The following ROCK2 variants were observed in gnomAD, a reference collection of about 807,000 sequenced individuals.
The protein encoded by ROCK2 is Rho associated coiled-coil containing protein kinase 2, also known as rho-associated protein kinase 2.
Under a neutral mutation model 195.1 loss-of-function variants are expected in ROCK2, and 61 were observed. That is an observed-to-expected ratio of 0.31 (90% confidence interval 0.25 to 0.39). The LOEUF is 0.39. ROCK2 is among the 10% of genes least tolerant of loss of function. The pLI is 1.00. For synonymous variants in ROCK2, 504 were observed against 545.5 expected (o/e 0.92, Z 1.06); for missense variants, 1,109 against 1,637.4 (o/e 0.68, Z 5.57).
intron 23 of ROCK2, 32 bp from the exon 24 acceptor site, chr2:11,198,806 T>C: frequency 8.2e-7 from 1 of 1,223,936 alleles, no homozygotes; most frequent in Non-Finnish European, 1.2e-6. Context: ...AATAATCACA[T>C]CCCAATTTAC....
chr2:11,320,750 AAAAC>A (rs1668375288), intron 1 of ROCK2, among the ~76,000 whole-genome samples: 1 of 152,220 alleles, frequency 6.6e-6, no homozygotes, highest in African/African-American at 2.4e-5. Flanking sequence ...TGAGAGGAGA[AAAAC>A]AAAGTGAGCC....
At chr2:11,325,682 A>C (rs1026834642) in intron 1 of ROCK2, among the ~76,000 whole-genome samples, 6 of 152,336 alleles carry the variant, frequency 3.9e-5, no homozygotes, top group African/African-American at 1.2e-4. Flanking sequence ...AATGAATGGG[A>C]AATCAATCAT....
At chr2:11,317,585 TATATATATATATATATA>T (rs1668241429) in intron 1 of ROCK2, among the ~76,000 whole-genome samples, 2 of 11,620 alleles carry the variant, frequency 1.7e-4, no homozygotes, top group African/African-American at 3.0e-4. Context: ...TTTATATATA[TATATATATATATATATA>T]TATATATATA....
intron 1 of ROCK2, among the ~76,000 whole-genome samples, chr2:11,342,909 G>C (rs1216793731): frequency 1.3e-5 from 2 of 152,156 alleles, no homozygotes; most frequent in African/African-American, 2.4e-5. Flanking sequence ...AACCTCAAAG[G>C]ATAACCAACC....
At chr2:11,303,827 T>G (rs75237337) in intron 1 of ROCK2, among the ~76,000 whole-genome samples, 128 of 152,304 alleles carry the variant, frequency 8.4e-4, no homozygotes, top group African/African-American at 2.9e-3. Flanking sequence ...ACCTACATGT[T>G]GCTAATCCAA....
chr2:11,219,695 T>C (rs1664561647), intron 9 of ROCK2, among the ~76,000 whole-genome samples: 1 of 151,916 alleles, frequency 6.6e-6, no homozygotes, highest in Admixed American at 6.6e-5. Flanking sequence ...AGTATAGCGG[T>C]ACAATCATAG....
intron 6 of ROCK2, 119 bp from the exon 7 acceptor site, chr2:11,224,579 T>C: frequency 1.2e-6 from 1 of 848,870 alleles, no homozygotes; most frequent in Admixed American, 2.4e-5. Flanking sequence ...ACAAATATTC[T>C]ACGGGCACAG....
At chr2:11,248,919 C>T (rs1035668841) in intron 4 of ROCK2, among the ~76,000 whole-genome samples, 2 of 151,318 alleles carry the variant, frequency 1.3e-5, no homozygotes, top group African/African-American at 2.4e-5. Flanking sequence ...TTGTTTTAGA[C>T]GGAGTCTTGC....
At chr2:11,277,067 T>A (rs917598342) in intron 3 of ROCK2, among the ~76,000 whole-genome samples, 1 of 152,188 alleles carries the variant, frequency 6.6e-6, no homozygotes, top group African/African-American at 2.4e-5. Flanking sequence ...CTTTTTCAGT[T>A]TCCTCTAATA....
At chr2:11,305,682 G>C (rs1003819032) in intron 1 of ROCK2, among the ~76,000 whole-genome samples, 9 of 152,162 alleles carry the variant, frequency 5.9e-5, no homozygotes, top group African/African-American at 1.7e-4. Flanking sequence ...GTAGCATCTT[G>C]TGCCAAAAAG....
chr2:11,183,283 C>G lies in ROCK2; in HGVS notation c.*154G>C. 1.9e-6 allele frequency: 1 copy of G among 534,660 alleles called. No homozygotes were observed. Among genetic ancestry groups the G allele is most frequent in the East Asian group, 3.4e-5 (1 of 29,534 alleles). The allele number at this position is 534,660 out of a possible 1,614,324, so 33.1% of individuals were successfully genotyped here. On this transcript the variant is annotated 3_prime_UTR_variant, in exon 33 of 33. Transcript: ENST00000315872. Reference sequence around the variant, plus strand: ...GAGCCCAGATTTGTAATTTATATTACAGGGAAAAGGGGAACACATATATGT... The same window carrying G: ...GAGCCCAGATTTGTAATTTATATTAGAGGGAAAAGGGGAACACATATATGT...
At chr2:11,320,726 C>T (rs1312336618) in intron 1 of ROCK2, among the ~76,000 whole-genome samples, 2 of 152,108 alleles carry the variant, frequency 1.3e-5, no homozygotes, top group African/African-American at 2.4e-5. Context: ...CAGTGAAAGA[C>T]GGTGGTCCCT....
At chr2:11,307,496 T>C (rs926941778) in intron 1 of ROCK2, among the ~76,000 whole-genome samples, 4 of 152,014 alleles carry the variant, frequency 2.6e-5, no homozygotes, top group East Asian at 1.9e-4. Flanking sequence ...GTATTTTTGG[T>C]AGAGATGGAG....
At chr2:11,257,195 C>CAGCG (rs1208163956) in intron 3 of ROCK2, among the ~76,000 whole-genome samples, 2 of 151,424 alleles carry the variant, frequency 1.3e-5, no homozygotes, top group Non-Finnish European at 2.9e-5. Context: ...ATGCGCTGGG[C>CAGCG]AGCGAGAGCC....
At chr2:11,333,979 A>AG (rs1668845308) in intron 1 of ROCK2, among the ~76,000 whole-genome samples, 2 of 152,242 alleles carry the variant, frequency 1.3e-5, no homozygotes, top group Non-Finnish European at 2.9e-5. Context: ...TTTCCAAGAC[A>AG]AACTGTTTCA....
intron 3 of ROCK2, among the ~76,000 whole-genome samples, chr2:11,250,258 T>C (rs1363606445): frequency 6.6e-6 from 1 of 152,206 alleles, no homozygotes; most frequent in East Asian, 1.9e-4. Flanking sequence ...CCTATGATTT[T>C]GTTAAGTCAC....
At chr2:11,300,260 T>C (rs932345292) in intron 1 of ROCK2, among the ~76,000 whole-genome samples, 5 of 152,098 alleles carry the variant, frequency 3.3e-5, no homozygotes, top group African/African-American at 9.7e-5. Flanking sequence ...TTAGCAACTA[T>C]GGTTTTTTTG....
At chr2:11,185,318 A>G (rs544137558) in intron 32 of ROCK2, among the ~76,000 whole-genome samples, 1 of 152,384 alleles carries the variant, frequency 6.6e-6, no homozygotes, top group Non-Finnish European at 1.5e-5. Flanking sequence ...CCACAGGTAC[A>G]TAAGTAGCAT....
intron 5 of ROCK2, among the ~76,000 whole-genome samples, chr2:11,228,955 TAAAG>T (rs745758907): frequency 2.0e-5 from 3 of 151,914 alleles, no homozygotes; most frequent in Non-Finnish European, 4.4e-5. Flanking sequence ...AAAAAGAGCA[TAAAG>T]AAACAGGAAC....
Sources: allele counts gnomAD v4.1 joint callset (sites outside exome capture counted in the v4.1 genomes callset), GRCh38; gene constraint gnomAD v4.1.1; transcripts MANE v1.5; gene names NCBI Gene and HGNC (gene_info 2026-07-23, HGNC 2026-07-21).